The following ACTL8 variants were observed in gnomAD, a reference collection of about 807,000 sequenced individuals.
ACTL8 encodes actin like 8, also known as actin-like protein 8.
ACTL8 carries 3 observed loss-of-function variants against 9.3 expected under a neutral mutation model. That is an observed-to-expected ratio of 0.32 (90% CI 0.15 to 0.83). ACTL8 has a LOEUF of 0.83. Among genes scored for constraint, ACTL8 ranks in the 40% least tolerant of loss-of-function variants. The pLI is 0.57. For missense variants in ACTL8, 381 were observed against 492.2 expected (o/e 0.77, Z 2.14); for synonymous variants, 224 against 205.9 (o/e 1.09, Z -0.75).
intron 1 of ACTL8, among the ~76,000 whole-genome samples, chr1:17,759,218 T>C (rs747482858): frequency 1.3e-5 from 2 of 152,258 alleles, no homozygotes; most frequent in African/African-American, 2.4e-5. Flanking sequence ...AAAATGGATC[T>C]GGGCCCTTTA....
chr1:17,796,455 C>A (rs1343286916), intron 1 of ACTL8, among the ~76,000 whole-genome samples: 3 of 152,100 alleles, frequency 2.0e-5, no homozygotes, highest in African/African-American at 7.2e-5. Flanking sequence ...CTTTACCATC[C>A]CAAGAGGTCG....
At chr1:17,802,306 C>T (rs1229910668) in intron 1 of ACTL8, among the ~76,000 whole-genome samples, 3 of 152,104 alleles carry the variant, frequency 2.0e-5, no homozygotes, top group Non-Finnish European at 4.4e-5. Flanking sequence ...GAAGTTGAGC[C>T]GGGGCTGCTG....
At chr1:17,792,978 T>G (rs1448462188) in intron 1 of ACTL8, among the ~76,000 whole-genome samples, 1 of 152,114 alleles carries the variant, frequency 6.6e-6, no homozygotes, top group African/African-American at 2.4e-5. Flanking sequence ...TCTGCATTTT[T>G]TGGGAACCAA....
chr1:17,774,576 T>C (rs1044403883), intron 1 of ACTL8, among the ~76,000 whole-genome samples: 11 of 152,014 alleles, frequency 7.2e-5, no homozygotes, highest in African/African-American at 2.2e-4. Context: ...GGTGTGCCAC[T>C]GTCAGGGGGA....
chr1:17,822,489 C>G (rs539822773), intron 1 of ACTL8, among the ~76,000 whole-genome samples: 2 of 152,312 alleles, frequency 1.3e-5, no homozygotes, highest in South Asian at 4.1e-4. Context: ...TGCTGCCATG[C>G]TCACTAATAC....
At chr1:17,781,856 T>C (rs1425045948) in intron 1 of ACTL8, among the ~76,000 whole-genome samples, 1 of 152,016 alleles carries the variant, frequency 6.6e-6, no homozygotes, top group Non-Finnish European at 1.5e-5. Context: ...CCCATGCTCC[T>C]CCAGGACCCA....
intron 1 of ACTL8, among the ~76,000 whole-genome samples, chr1:17,786,838 G>C (rs1346828217): frequency 6.6e-6 from 1 of 152,022 alleles, no homozygotes; most frequent in Admixed American, 6.5e-5. Flanking sequence ...GGGACTACAG[G>C]TGTGCACCAC....
At chr1:17,808,766 G>A (rs534523668) in intron 1 of ACTL8, among the ~76,000 whole-genome samples, 18 of 152,328 alleles carry the variant, frequency 1.2e-4, no homozygotes, top group Non-Finnish European at 2.2e-4. Flanking sequence ...AAGGTTTGGT[G>A]TGGATCTTGA....
chr1:17,766,867 TTGAA>T (rs559173561), intron 1 of ACTL8, among the ~76,000 whole-genome samples: 10 of 152,108 alleles, frequency 6.6e-5, no homozygotes, highest in Admixed American at 6.6e-4. Context: ...TAAGCTATGG[TTGAA>T]TGAATGAATG....
Position 17,823,137 on chromosome 1 carries a change from C to A in ACTL8, c.129C>A (p.Gly43=). Residue 43 remains glycine (G), a synonymous_variant, in exon 2 of 3, where the codon GGC becomes GGA. Coordinates refer to ENST00000375406, the MANE Select transcript of ACTL8 (RefSeq NM_030812.3). The surrounding 1 kb of genome is among the most constrained non-coding windows in gnomAD (Gnocchi z 5.3). ...ACCTACCGTGCAAGGAGAACCCTGG[C>A]CCCAGCTATGCCCGTAGGCGTGTGA... ...VNYLPCKENP[G]PSYARRRVSL... is the part of the protein sequence containing the mutation. The A allele has an allele frequency of 6.2e-7, 1 of 1,614,248 alleles. No homozygotes were observed. Among genetic ancestry groups the A allele is most frequent in the Non-Finnish European group, 8.5e-7 (1 of 1,180,046 alleles).
chr1:17,771,688 G>A (rs2066083912), intron 1 of ACTL8, among the ~76,000 whole-genome samples: 1 of 152,058 alleles, frequency 6.6e-6, no homozygotes, highest in African/African-American at 2.4e-5. Context: ...AGCAGCTAGA[G>A]GTACTGAAAG....
At chr1:17,813,344 T>C (rs1160527452) in intron 1 of ACTL8, among the ~76,000 whole-genome samples, 1 of 152,240 alleles carries the variant, frequency 6.6e-6, no homozygotes, top group African/African-American at 2.4e-5. Flanking sequence ...TTATGATAAA[T>C]GCATGTTGAA....
At position 17,826,092 on chromosome 1, in the gene ACTL8, G is replaced by A. The variant is rs1189709622; in HGVS notation, c.674G>A (p.Arg225His). Residue 225 changes from arginine to histidine, a missense_variant, in exon 3 of 3, where the codon CGT becomes CAT. By Grantham distance (29) the Arg-to-His change is conservative. Transcript: ENST00000375406. The surrounding 1 kb of genome is among the most constrained non-coding windows in gnomAD (Gnocchi z 4.5). Reference protein sequence around the residue: ...PQNLGEALDFRERQQSALDES... With the variant: ...PQNLGEALDFHERQQSALDES... ...AATCTGGGGGAGGCCCTGGACTTTC[G>A]TGAGAGGCAGCAGAGTGCCTTGGAT... is the stretch of plus-strand genomic sequence containing the variant. 8.7e-6 allele frequency: 14 copies of A among 1,608,700 alleles called. No individual in the cohort carries two copies. Among genetic ancestry groups the A allele is most frequent in the Non-Finnish European group, 1.0e-5 (12 of 1,179,534 alleles).
chr1:17,776,196 C>T (rs190752547), intron 1 of ACTL8, among the ~76,000 whole-genome samples: 6 of 152,300 alleles, frequency 3.9e-5, no homozygotes, highest in East Asian at 3.9e-4. Flanking sequence ...GAAGACAGCA[C>T]GAAGGTCCTA....
At chr1:17,756,231 G>A (rs943725795) in intron 1 of ACTL8, among the ~76,000 whole-genome samples, 1 of 152,082 alleles carries the variant, frequency 6.6e-6, no homozygotes, top group Non-Finnish European at 1.5e-5. Flanking sequence ...CCTCAGCCCT[G>A]GGGGCCTCTT....
intron 1 of ACTL8, among the ~76,000 whole-genome samples, chr1:17,784,583 A>G (rs894880096): frequency 6.6e-6 from 1 of 152,228 alleles, no homozygotes; most frequent in Non-Finnish European, 1.5e-5. Context: ...TTTTGTCCTC[A>G]TATTTTCTGA....
chr1:17,821,862 G>A (rs544357585), intron 1 of ACTL8, among the ~76,000 whole-genome samples: 13 of 152,282 alleles, frequency 8.5e-5, no homozygotes, highest in Non-Finnish European at 1.5e-4. Flanking sequence ...CTGACCTCAG[G>A]TGATCTGGCC....
At chr1:17,805,457 G>A (rs1020456607) in intron 1 of ACTL8, among the ~76,000 whole-genome samples, 2 of 142,952 alleles carry the variant, frequency 1.4e-5, no homozygotes, top group Admixed American at 1.4e-4. Context: ...GCGGTCTTGG[G>A]TCACTGCAAC....
intron 1 of ACTL8, among the ~76,000 whole-genome samples, chr1:17,781,496 C>T (rs2066154641): frequency 6.6e-6 from 1 of 152,142 alleles, no homozygotes; most frequent in African/African-American, 2.4e-5. Context: ...GCCTCGACCT[C>T]CCAAAGTGCT....
Sources: gnomAD v4.1 joint callset for allele counts (sites outside exome capture counted in the v4.1 genomes callset) on GRCh38, gnomAD v4.1.1 for gene constraint, Gnocchi (gnomAD v3.1) non-coding constraint, MANE v1.5 for transcripts, NCBI Gene and HGNC (gene_info 2026-07-23, HGNC 2026-07-21) for gene names.